HHATL: variants seen among roughly 807,000 people sequenced by gnomAD.
The protein encoded by HHATL is hedgehog acyltransferase like.
In HHATL, 49 loss-of-function variants were observed where a neutral mutation model predicts 59.7. The observed-to-expected ratio is 0.82, with a 90% CI of 0.65 to 1.04. HHATL has a LOEUF of 1.04. HHATL is among the 50% of genes least tolerant of loss of function. The pLI is 0.00. For missense variants in HHATL, 605 were observed against 650.8 expected (o/e 0.93, Z 0.77); for synonymous variants, 238 against 257.3 (o/e 0.93, Z 0.72).
At chr3:42,693,954 GCTC>G (rs1697478422) in intron 9 of HHATL, 136 bp from the exon 10 acceptor site, 5 of 684,856 alleles carry the variant, frequency 7.3e-6, no homozygotes, top group Admixed American at 2.3e-5. Flanking sequence ...TCACGTAGCA[GCTC>G]CTCCTCCAAC....
rs1697924339 is a variant in HHATL at position 42,700,652 on chromosome 3, CT to C, written c.106+68del. On this transcript the variant is annotated intron_variant, in intron 2 of 11. Transcript: ENST00000441594. ...TGGAGCCTGTAACTTTCTGGCTTTG[CT>C]GGTTGGAACCCTGAGGCCTCCAGGG... 4.4e-5 allele frequency: 46 copies of C among 1,036,496 alleles called. 1 individual carries two copies. In the Middle Eastern group the frequency reaches 7.6e-3, roughly 171 times the overall value. The allele number at this position is 1,036,496 out of a possible 1,614,324, so 64.2% of individuals were successfully genotyped here. A position where few individuals can be genotyped will look rare whatever the true frequency, so the allele number is the denominator to read the frequency against.
At chr3:42,693,929 T>A in intron 9 of HHATL, 111 bp from the exon 10 acceptor site, 1 of 865,392 alleles carries the variant, frequency 1.2e-6, no homozygotes, top group Non-Finnish European at 1.9e-6. Context: ...CTGGGTGCAT[T>A]CAACATTCCT....
chr3:42,694,592 G>C (rs1240536660), intron 9 of HHATL, among the ~76,000 whole-genome samples: 2 of 152,146 alleles, frequency 1.3e-5, no homozygotes, highest in Non-Finnish European at 2.9e-5. Context: ...ATCCCAAGTG[G>C]TCTGGTTTCT....
intron 5 of HHATL, 141 bp from the exon 6 acceptor site, chr3:42,698,492 A>C: frequency 1.0e-6 from 1 of 968,498 alleles, no homozygotes; most frequent in Non-Finnish European, 1.5e-6. Context: ...AACTTTGGCC[A>C]CTGCTCTATC....
At chr3:42,700,181 TGTGTGTGTGTTGGG>T (rs1008789980) in intron 2 of HHATL, among the ~76,000 whole-genome samples, 4 of 148,678 alleles carry the variant, frequency 2.7e-5, no homozygotes, top group Non-Finnish European at 5.9e-5. Context: ...TGTGTGTGTG[TGTGTGTGTGTTGGG>T]GTGTGTGTGT....
At chr3:42,693,342 C>T (rs1467090024) in intron 10 of HHATL, 124 bp from the exon 11 acceptor site, 11 of 1,218,650 alleles carry the variant, frequency 9.0e-6, no homozygotes, top group Non-Finnish European at 1.3e-5. Flanking sequence ...CTCGGAGAGC[C>T]CCAGGTCAGC....
intron 3 of HHATL, 87 bp from the exon 4 acceptor site, chr3:42,699,232 C>G (rs1424610659): frequency 1.3e-6 from 1 of 742,024 alleles, no homozygotes; most frequent in Non-Finnish European, 2.4e-6. Context: ...GGTCAGAGCC[C>G]CAGCACCTTT....
intron 9 of HHATL, among the ~76,000 whole-genome samples, chr3:42,695,609 C>T (rs1239603431): frequency 6.6e-6 from 1 of 152,224 alleles, no homozygotes; most frequent in Non-Finnish European, 1.5e-5. Flanking sequence ...GTGGGGGGAT[C>T]CAGGCTGGGT....
chr3:42,697,066 G>T lies in HHATL; in HGVS notation c.945C>A (p.Cys315Ter). The T allele has an allele frequency of 1.3e-6, 2 of 1,588,028 alleles. No homozygotes were observed. Among genetic ancestry groups the T allele is most frequent in the Non-Finnish European group, 1.7e-6 (2 of 1,166,212 alleles). ...GCTGGGGTGGGTCCAGGTGGTCGAG[G>T]CATGCCACAGTGTTGACAACACCAA... Reference protein sequence around the residue: ...VLFGVVNTVACLDHLDPPQPP... With the variant: ...VLFGVVNTVA The change falls in exon 8 of 12, where the codon TGC (cysteine) becomes TGA (stop). Residue 315 changes from cysteine to a stop codon, truncating the protein, a stop_gained. Coordinates refer to ENST00000441594, the MANE Select transcript of HHATL (RefSeq NM_020707.4). LOFTEE classifies it high-confidence loss of function.
At chr3:42,700,574 C>T (rs1697915674) in intron 2 of HHATL, 147 bp downstream of exon 2, 1 of 600,602 alleles carries the variant, frequency 1.7e-6, no homozygotes, top group Non-Finnish European at 3.0e-6. Context: ...GAGATGGGAA[C>T]CCCGGGCTGA....
In HHATL at chr3:42,701,029, C is replaced by CT; in HGVS notation, c.-13-191_-13-190insA. 1.8e-6 allele frequency: 1 copy of CT among 553,058 alleles called. No individual in the cohort carries two copies. The highest frequency in any genetic ancestry group is 3.3e-6 in the Non-Finnish European group (1 of 306,412). 34.3% of individuals were successfully genotyped at this position (553,058 alleles called of 1,614,324 possible). ...CACAGGCCACCGAACACCAGTGCCCCATCCCAGCTGCTGCTCTTGCCCCCA... is the reference window on the plus strand; with the variant it reads ...CACAGGCCACCGAACACCAGTGCCCCTATCCCAGCTGCTGCTCTTGCCCCCA... On this transcript the variant is annotated intron_variant, in intron 1 of 11. Transcript: ENST00000441594. The surrounding 1 kb of genome is among the most constrained non-coding windows in gnomAD (Gnocchi z 5.1).
intron 2 of HHATL, among the ~76,000 whole-genome samples, chr3:42,700,056 G>C (rs370600062): frequency 1.3e-5 from 2 of 151,486 alleles, no homozygotes; most frequent in African/African-American, 4.8e-5. Flanking sequence ...CTGTGTGTTT[G>C]TGTGTGTGTC....
intron 2 of HHATL, among the ~76,000 whole-genome samples, 179 bp from the exon 3 acceptor site, chr3:42,700,004 C>G (rs912442197): frequency 5.3e-5 from 8 of 151,928 alleles, no homozygotes; most frequent in African/African-American, 1.5e-4. Flanking sequence ...GGGTCCAGGA[C>G]TCTGTGTGTG....
rs2125862079 is a variant in HHATL at position 42,702,701 on chromosome 3, G to A, written c.-136C>T. 6.5e-6 allele frequency: 1 copy of A among 152,892 alleles called. No homozygotes were observed. Among genetic ancestry groups the A allele is most frequent in the Middle Eastern group, 3.2e-3 (1 of 308 alleles). 9.5% of individuals were successfully genotyped at this position (152,892 alleles called of 1,614,324 possible). On this transcript the variant is annotated 5_prime_UTR_variant, in exon 1 of 12. Transcript: ENST00000441594. ...CCACGGTGGGGTGTGTCCAGCCCTG[G>A]GGTCCCCACCCCCTTGAGGTTATGA...
chr3:42,693,911 CTG>C (rs1697475908), intron 9 of HHATL, 93 bp from the exon 10 acceptor site: 1 of 1,030,912 alleles, frequency 9.7e-7, no homozygotes, highest in Admixed American at 1.9e-5. Flanking sequence ...CTCCTCAACA[CTG>C]TCACCCTGGG....
chr3:42,693,565 C>A, intron 10 of HHATL, 52 bp downstream of exon 10: 1 of 1,499,172 alleles, frequency 6.7e-7, no homozygotes, highest in Non-Finnish European at 9.2e-7. Context: ...CAGCAGTGCC[C>A]CCCCGCCCTC....
intron 10 of HHATL, 133 bp from the exon 11 acceptor site, chr3:42,693,351 G>C: frequency 8.7e-7 from 1 of 1,144,148 alleles, no homozygotes; most frequent in Non-Finnish European, 1.2e-6. Context: ...CCCCAGGTCA[G>C]CTCTCCCTCC....
At chr3:42,699,675 C>G in intron 3 of HHATL, 83 bp downstream of exon 3, 2 of 1,225,734 alleles carry the variant, frequency 1.6e-6, no homozygotes, top group Middle Eastern at 1.9e-4. Flanking sequence ...GTGAGAAGCT[C>G]TCTGTTACTT....
At chr3:42,693,586 C>G in intron 10 of HHATL, 31 bp downstream of exon 10, 2 of 1,596,040 alleles carry the variant, frequency 1.3e-6, no homozygotes, top group South Asian at 2.2e-5. Flanking sequence ...TATGACCCAG[C>G]CAGTCCCAGC....
Sources: allele counts gnomAD v4.1 joint callset (sites outside exome capture counted in the v4.1 genomes callset), GRCh38; gene constraint gnomAD v4.1.1; non-coding constraint Gnocchi (gnomAD v3.1); transcripts MANE v1.5; gene names NCBI Gene and HGNC (gene_info 2026-07-23, HGNC 2026-07-21).